Variants in TMTC2 observed in about 807,000 individuals in gnomAD.
TMTC2 encodes the protein protein O-mannosyl-transferase TMTC2.
A neutral mutation model predicts 82.4 loss-of-function variants in TMTC2; 43 were observed. The ratio of observed to expected loss-of-function variants is 0.52; its 90% CI spans 0.41 to 0.67. The LOEUF is 0.67. Ranked by LOEUF, TMTC2 falls within the 30% of genes least tolerant of loss-of-function variation. The pLI, the probability that TMTC2 is intolerant of heterozygous loss-of-function variation, is 0.00. For missense variants in TMTC2, 919 were observed against 1,012.4 expected (o/e 0.91, Z 1.25); for synonymous variants, 408 against 381.9 (o/e 1.07, Z -0.80).
rs536216192 is a variant in TMTC2, at chr12:82,812,071, G to T, written c.84-44939G>T. Among the ~76,000 whole-genome samples the T allele has an allele frequency of 9.3e-4, 141 of 151,980 alleles. 1 individual carries two copies. Among genetic ancestry groups the T allele is most frequent in the Non-Finnish European group, 1.9e-3 (127 of 67,974 alleles). On this transcript the variant is annotated intron_variant, in intron 1 of 11. Coordinates refer to ENST00000321196, the MANE Select transcript of TMTC2 (RefSeq NM_152588.3). ...GACCTCAGGTGATCCACCTGCCTCG[G>T]CCTCCCAAGGTGCTGGGATTACAGG...
chr12:82,935,642 G>C (rs12306733), intron 4 of TMTC2, among the ~76,000 whole-genome samples: 3,902 of 152,064 alleles, frequency 0.026, 182 homozygotes, highest in African/African-American at 0.09. Context: ...GATTTGTTTC[G>C]GTCTGTTCCA....
At chr12:83,008,485 T>A (rs1407110819) in intron 8 of TMTC2, among the ~76,000 whole-genome samples, 1 of 152,216 alleles carries the variant, frequency 6.6e-6, no homozygotes, top group Non-Finnish European at 1.5e-5. Flanking sequence ...AAGGCATTCT[T>A]TACTTTTGTT....
At chr12:83,126,024 A>C (rs892653261) in intron 11 of TMTC2, among the ~76,000 whole-genome samples, 1 of 152,160 alleles carries the variant, frequency 6.6e-6, no homozygotes, top group Non-Finnish European at 1.5e-5. Context: ...AAGAGTCTGC[A>C]TTCCATCATT....
At chr12:82,801,313 A>G (rs1353525740) in intron 1 of TMTC2, among the ~76,000 whole-genome samples, 1 of 152,124 alleles carries the variant, frequency 6.6e-6, no homozygotes, top group Non-Finnish European at 1.5e-5. Context: ...GTGAAACTGC[A>G]GATCTTCACC....
intron 10 of TMTC2, among the ~76,000 whole-genome samples, chr12:83,051,887 G>A (rs1474581008): frequency 2.0e-5 from 3 of 152,092 alleles, no homozygotes; most frequent in African/African-American, 7.2e-5. Context: ...AAGAAAGTCA[G>A]TACATCCATA....
intron 1 of TMTC2, among the ~76,000 whole-genome samples, chr12:82,823,001 A>C (rs887250160): frequency 6.6e-6 from 1 of 152,222 alleles, no homozygotes; most frequent in Non-Finnish European, 1.5e-5. Context: ...CATTTAAAAA[A>C]GCTTCTTTGA....
chr12:82,919,389 A>G (rs1213027294), intron 3 of TMTC2, among the ~76,000 whole-genome samples: 2 of 152,244 alleles, frequency 1.3e-5, no homozygotes, highest in Non-Finnish European at 2.9e-5. Context: ...TTCAGGGCAC[A>G]TGCAAACCAT....
intron 2 of TMTC2, among the ~76,000 whole-genome samples, chr12:82,865,901 C>T (rs1335027003): frequency 6.6e-6 from 1 of 152,136 alleles, no homozygotes; most frequent in Non-Finnish European, 1.5e-5. Context: ...CAACCTGCTC[C>T]TGAATGACTA....
chr12:83,001,770 C>G (rs1416606455), intron 8 of TMTC2, among the ~76,000 whole-genome samples: 2 of 151,248 alleles, frequency 1.3e-5, no homozygotes, highest in African/African-American at 4.9e-5. Flanking sequence ...TGAAACATAA[C>G]AAGAGCCACC....
chr12:82,775,021 T>G (rs1877513650), intron 1 of TMTC2, among the ~76,000 whole-genome samples: 1 of 152,110 alleles, frequency 6.6e-6, no homozygotes, highest in South Asian at 2.1e-4. Flanking sequence ...ATTGTGAGTC[T>G]TGCCATTGGT....
At chr12:82,965,176 C>CAG in intron 5 of TMTC2, 67 bp downstream of exon 5, 2 of 1,217,142 alleles carry the variant, frequency 1.6e-6, no homozygotes, top group South Asian at 1.3e-5. Context: ...CTCTAATTTA[C>CAG]AGCCTCACTG....
At chr12:82,940,656 C>G (rs984526586) in intron 4 of TMTC2, among the ~76,000 whole-genome samples, 1 of 151,456 alleles carries the variant, frequency 6.6e-6, no homozygotes, top group African/African-American at 2.4e-5. Flanking sequence ...ATTTGTGCTG[C>G]CTGCAACATT....
intron 9 of TMTC2, among the ~76,000 whole-genome samples, chr12:83,048,480 C>T (rs1882222265): frequency 6.6e-6 from 1 of 151,850 alleles, no homozygotes; most frequent in Non-Finnish European, 1.5e-5. Context: ...GAATGTTAGG[C>T]GACAAACTAA....
At chr12:82,961,109 C>A (rs1219875507) in intron 4 of TMTC2, among the ~76,000 whole-genome samples, 1 of 151,398 alleles carries the variant, frequency 6.6e-6, no homozygotes, top group Admixed American at 6.6e-5. Flanking sequence ...TAATATCCTA[C>A]CTCTTAAGAT....
intron 1 of TMTC2, among the ~76,000 whole-genome samples, chr12:82,774,704 C>T (rs755269400): frequency 2.0e-5 from 3 of 148,620 alleles, no homozygotes; most frequent in African/African-American, 7.5e-5. Context: ...GCTTTCATCT[C>T]GTATCTTAGA....
chr12:83,101,712 T>A (rs1193580816), intron 11 of TMTC2, among the ~76,000 whole-genome samples: 1 of 152,168 alleles, frequency 6.6e-6, no homozygotes, highest in Non-Finnish European at 1.5e-5. Flanking sequence ...AAGAACTAAC[T>A]TTATTCTTCA....
chr12:82,977,101 A>G (rs1878707473), intron 7 of TMTC2, among the ~76,000 whole-genome samples: 1 of 152,008 alleles, frequency 6.6e-6, no homozygotes, highest in African/African-American at 2.4e-5. Flanking sequence ...CCGTAAGTAC[A>G]TAAAAAGTGG....
chr12:82,837,543 A>G (rs2137084755), intron 1 of TMTC2, among the ~76,000 whole-genome samples: 1 of 152,338 alleles, frequency 6.6e-6, no homozygotes, highest in Non-Finnish European at 1.5e-5. Flanking sequence ...GAATGTAGAA[A>G]AATTACAAAG....
intron 1 of TMTC2, among the ~76,000 whole-genome samples, chr12:82,733,887 A>G (rs975026331): frequency 1.3e-5 from 2 of 152,204 alleles, no homozygotes; most frequent in African/African-American, 2.4e-5. Flanking sequence ...TGTTCTTTCA[A>G]CTGTGTGCCA....
Sources: gnomAD v4.1 joint callset for allele counts (sites outside exome capture counted in the v4.1 genomes callset) on GRCh38, gnomAD v4.1.1 for gene constraint, MANE v1.5 for transcripts, NCBI Gene and HGNC (gene_info 2026-07-23, HGNC 2026-07-21) for gene names.